FLT3: variants seen among roughly 807,000 people sequenced by gnomAD.
FLT3 encodes the protein fms related receptor tyrosine kinase 3.
Under a neutral mutation model 126.6 loss-of-function variants are expected in FLT3, and 46 were observed. That is an observed-to-expected ratio of 0.36 (90% CI 0.29 to 0.46). The LOEUF (loss-of-function observed/expected upper bound fraction) is 0.46, where lower values mean the gene tolerates loss of function less well. Among genes scored for constraint, FLT3 ranks in the 20% least tolerant of loss-of-function variants. The pLI is 1.00. For missense variants in FLT3, 1,069 were observed against 1,190.3 expected (o/e 0.90, Z 1.50); for synonymous variants, 404 against 434.4 (o/e 0.93, Z 0.87).
At chr13:28,039,966 T>A (rs1874196408) in intron 9 of FLT3, among the ~76,000 whole-genome samples, 1 of 152,202 alleles carries the variant, frequency 6.6e-6, no homozygotes, top group Admixed American at 6.5e-5. Flanking sequence ...AGTGCTGGGA[T>A]AACAGGTATG....
chr13:28,047,053 A>T (rs1458241124), intron 9 of FLT3, among the ~76,000 whole-genome samples: 1 of 152,180 alleles, frequency 6.6e-6, no homozygotes, highest in Non-Finnish European at 1.5e-5. Flanking sequence ...CGTACCGGAC[A>T]GCACAGATCT....
At position 28,070,600 on chromosome 13, in the gene FLT3, G is replaced by T; in HGVS notation, c.56C>A (p.Ala19Glu). Residue 19 changes from alanine to glutamate, a missense_variant, in exon 2 of 24, where the codon GCA becomes GAA. Physicochemically the swap from Ala to Glu is moderately radical, Grantham distance 107. Transcript: ENST00000241453. ...GQLPLLVVFS[A>E]MIFGTITNQD... Reference sequence around the variant, plus strand: ...ATTTGTAATAGTCCCAAATATCATTGCAGAAAAAACAACTGTAAAACAAAA... The same window carrying T: ...ATTTGTAATAGTCCCAAATATCATTTCAGAAAAAACAACTGTAAAACAAAA... 1 of 1,600,296 alleles carries T rather than the reference G, an allele frequency of 6.2e-7. No homozygotes were observed. The highest frequency in any genetic ancestry group is 8.6e-7 in the Non-Finnish European group (1 of 1,169,542).
At position 28,027,096 on chromosome 13, in the gene FLT3, T is replaced by C. The variant is rs747026657; in HGVS notation, c.2199A>G (p.Pro733=). 1.5e-5 allele frequency: 25 copies of C among 1,613,378 alleles called. No individual in the cohort carries two copies. The Admixed American group carries it at 2.0e-4, about 13-fold the overall frequency. Reference sequence around the variant, plus strand: ...CTGACCCAGCCTCTTACCTGGAATTTGGATGTGATTGGAAAGTGGGGTAAA... The same window carrying C: ...CTGACCCAGCCTCTTACCTGGAATTCGGATGTGATTGGAAAGTGGGGTAAA... The part of the protein sequence containing the change: ...FSFYPTFQSH[P]NSSMPGSREV... Residue 733 remains proline (P), a synonymous_variant, in exon 17 of 24, where the codon CCA becomes CCG. Transcript: ENST00000241453.
intron 15 of FLT3, among the ~76,000 whole-genome samples, chr13:28,028,753 TCTC>T (rs1232909637): frequency 2.0e-5 from 2 of 99,810 alleles, no homozygotes; most frequent in African/African-American, 3.3e-5. Context: ...AGACAGAATT[TCTC>T]CTTTTTCTTT....
chr13:28,072,221 CTTTATGTA>C (rs1446505508), intron 1 of FLT3, among the ~76,000 whole-genome samples: 15 of 151,102 alleles, frequency 9.9e-5, no homozygotes, highest in Admixed American at 9.3e-4. Flanking sequence ...ATGGGCTTCT[CTTTATGTA>C]TTTAAGTATA....
At chr13:28,066,769 C>A (rs1279374215) in intron 2 of FLT3, among the ~76,000 whole-genome samples, 1 of 152,136 alleles carries the variant, frequency 6.6e-6, no homozygotes, top group Non-Finnish European at 1.5e-5. Flanking sequence ...CACCATTAGG[C>A]AAACACCACC....
At chr13:28,084,994 T>C (rs1257422973) in intron 1 of FLT3, among the ~76,000 whole-genome samples, 1 of 108,158 alleles carries the variant, frequency 9.2e-6, no homozygotes, top group Non-Finnish European at 1.9e-5. Context: ...AAAAAAAAAA[T>C]TCACTGACAC....
intron 1 of FLT3, among the ~76,000 whole-genome samples, chr13:28,071,540 T>C (rs573867472): frequency 6.6e-6 from 1 of 152,264 alleles, no homozygotes; most frequent in African/African-American, 2.4e-5. Flanking sequence ...ATGATTTAGA[T>C]ATTTTCCCCA....
intron 19 of FLT3, 95 bp from the exon 20 acceptor site, chr13:28,018,684 G>C (rs2137625377): frequency 3.0e-6 from 4 of 1,315,418 alleles, no homozygotes; most frequent in Non-Finnish European, 4.3e-6. Flanking sequence ...GGAGGTACCG[G>C]TGATGGAAGG....
intron 19 of FLT3, among the ~76,000 whole-genome samples, chr13:28,022,961 C>T (rs181927918): frequency 1.1e-4 from 16 of 152,326 alleles, no homozygotes; most frequent in Admixed American, 8.5e-4. Context: ...GTGGCTGGCT[C>T]GGTTTCAGCC....
At chr13:28,027,879 T>C (rs993501120) in intron 16 of FLT3, among the ~76,000 whole-genome samples, 5 of 152,346 alleles carry the variant, frequency 3.3e-5, no homozygotes, top group East Asian at 1.9e-4. Context: ...GCTTCCAAGC[T>C]GGGAGAGAAG....
chr13:28,049,580 C>A (rs1593260889), intron 7 of FLT3, 43 bp from the exon 8 acceptor site: 3 of 1,612,668 alleles, frequency 1.9e-6, no homozygotes, highest in African/African-American at 2.7e-5. Flanking sequence ...TGTTTTCAAT[C>A]CAGACTATTA....
intron 9 of FLT3, among the ~76,000 whole-genome samples, chr13:28,043,912 C>A (rs976910844): frequency 2.6e-5 from 4 of 151,822 alleles, no homozygotes; most frequent in African/African-American, 4.8e-5. Flanking sequence ...GAGTTTGAGA[C>A]CAGCCTGGCC....
rs369237950 is a variant in FLT3 at position 28,015,150 on chromosome 13, A to G, written c.2753+7T>C. On this transcript the variant is annotated splice_region_variant and intron_variant, in intron 22 of 23. Coordinates refer to ENST00000241453, the MANE Select transcript of FLT3 (RefSeq NM_004119.3). Reference sequence around the variant, plus strand: ...TTCAACCAAATTACAGTCTGACTTGAACTTACATTTCTTCTGTAGCATAAA... The same window carrying G: ...TTCAACCAAATTACAGTCTGACTTGGACTTACATTTCTTCTGTAGCATAAA... 207 of 1,540,224 alleles carry G rather than the reference A, an allele frequency of 1.3e-4. No individual in the cohort carries two copies. Among genetic ancestry groups the G allele is most frequent in the Non-Finnish European group, 1.7e-4 (193 of 1,114,252 alleles).
intron 12 of FLT3, among the ~76,000 whole-genome samples, chr13:28,034,914 C>A (rs987552423): frequency 4.0e-5 from 6 of 149,030 alleles, no homozygotes; most frequent in African/African-American, 1.2e-4. Context: ...CACTGCACTG[C>A]AGCCTGGGTG....
At chr13:28,016,360 T>C (rs1871856523) in intron 20 of FLT3, among the ~76,000 whole-genome samples, 1 of 152,076 alleles carries the variant, frequency 6.6e-6, no homozygotes, top group Non-Finnish European at 1.5e-5. Context: ...AACCTCAGAC[T>C]CCCTGGTTTA....
intron 3 of FLT3, among the ~76,000 whole-genome samples, chr13:28,060,957 C>T (rs957941582): frequency 6.6e-6 from 1 of 152,082 alleles, no homozygotes; most frequent in Admixed American, 6.6e-5. Flanking sequence ...GCAGAAGACA[C>T]AGAAAGATGC....
rs1289817304 is a variant in FLT3 at position 28,100,289 on chromosome 13, G to A, written c.43+179C>T. Among the ~76,000 whole-genome samples, 3 of 152,190 alleles carry A rather than the reference G, an allele frequency of 2.0e-5. No individual in the cohort carries two copies. The highest frequency in any genetic ancestry group is 3.9e-4 in the East Asian group (2 of 5,152). Reference sequence around the variant, plus strand: ...GGGGTGGGAAACGCCGGGGCCGCAGGCAAGTAGTGGGCGAGTCCGGAGGGC... The same window carrying A: ...GGGGTGGGAAACGCCGGGGCCGCAGACAAGTAGTGGGCGAGTCCGGAGGGC... On this transcript the variant is annotated intron_variant, in intron 1 of 23. Transcript: ENST00000241453. The surrounding 1 kb of genome is among the most constrained non-coding windows in gnomAD (Gnocchi z 4.8).
chr13:28,022,597 G>A (rs1360802853), intron 19 of FLT3, among the ~76,000 whole-genome samples: 1 of 152,100 alleles, frequency 6.6e-6, no homozygotes, highest in Non-Finnish European at 1.5e-5. Context: ...GAGGCAAGGG[G>A]AAGGAAGTGG....
Sources: gnomAD v4.1 joint callset for allele counts (sites outside exome capture counted in the v4.1 genomes callset) on GRCh38, gnomAD v4.1.1 for gene constraint, Gnocchi (gnomAD v3.1) non-coding constraint, MANE v1.5 for transcripts, NCBI Gene and HGNC (gene_info 2026-07-23, HGNC 2026-07-21) for gene names.